The following PLEKHA7 variants were observed in gnomAD, a reference collection of about 807,000 sequenced individuals.
The protein encoded by PLEKHA7 is pleckstrin homology domain-containing family A member 7.
Under a neutral mutation model 170.0 loss-of-function variants are expected in PLEKHA7, and 104 were observed. The observed-to-expected ratio is 0.61, with a 90% CI of 0.52 to 0.72. PLEKHA7 has a LOEUF of 0.72. PLEKHA7 is among the 30% of genes least tolerant of loss of function. The pLI, the probability that PLEKHA7 is intolerant of heterozygous loss-of-function variation, is 0.00. For missense variants in PLEKHA7, 1,615 were observed against 1,671.7 expected (o/e 0.97, Z 0.59); for synonymous variants, 648 against 660.8 (o/e 0.98, Z 0.30).
intron 4 of PLEKHA7, among the ~76,000 whole-genome samples, chr11:16,865,210 C>A (rs532099220): frequency 6.6e-6 from 1 of 152,312 alleles, no homozygotes; most frequent in African/African-American, 2.4e-5. Context: ...ACAAAAACCA[C>A]GATGTAACAG....
chr11:16,928,901 G>A (rs1413085164), intron 3 of PLEKHA7, among the ~76,000 whole-genome samples: 4 of 151,906 alleles, frequency 2.6e-5, no homozygotes, highest in Non-Finnish European at 5.9e-5. Context: ...TGAAAGTTCA[G>A]TTAATAAATA....
At chr11:16,838,979 C>G (rs1330388023) in intron 9 of PLEKHA7, among the ~76,000 whole-genome samples, 2 of 152,064 alleles carry the variant, frequency 1.3e-5, no homozygotes, top group African/African-American at 4.8e-5. Context: ...AGCCACCGCA[C>G]CCGGCCACAC....
In PLEKHA7 at chr11:16,812,995, T is replaced by C. The variant is rs931518519; in HGVS notation, c.2007+118A>G. The C allele has an allele frequency of 3.4e-5, 25 of 745,216 alleles. No individual in the cohort carries two copies. In the African/African-American group the frequency reaches 4.4e-4, roughly 13 times the overall value. 46.2% of individuals were successfully genotyped at this position (745,216 alleles called of 1,614,324 possible). A position where few individuals can be genotyped will look rare whatever the true frequency, so the allele number is the denominator to read the frequency against. On this transcript the variant is annotated intron_variant, in intron 13 of 26. Transcript: ENST00000531066. ...TGATTCAAGATGGGAGACATATTGA[T>C]TTAGAATTCAGATTGGATAAGACCT...
chr11:16,853,000 G>T (rs1439797918), intron 6 of PLEKHA7, among the ~76,000 whole-genome samples: 1 of 152,152 alleles, frequency 6.6e-6, no homozygotes, highest in Non-Finnish European at 1.5e-5. Flanking sequence ...GCAAAGGCAG[G>T]AAAACAGAAT....
chr11:16,944,141 G>A (rs2136433409), intron 3 of PLEKHA7, among the ~76,000 whole-genome samples: 1 of 151,604 alleles, frequency 6.6e-6, no homozygotes, highest in East Asian at 2.0e-4. Context: ...ATCACCTGAG[G>A]TCAGGAGTTC....
At chr11:16,958,809 C>A (rs978872956) in intron 3 of PLEKHA7, among the ~76,000 whole-genome samples, 1 of 151,984 alleles carries the variant, frequency 6.6e-6, no homozygotes. Flanking sequence ...GCTAATTGCT[C>A]AATTGCACAG....
At chr11:16,871,657 C>CA (rs1461615153) in intron 3 of PLEKHA7, among the ~76,000 whole-genome samples, 2 of 152,196 alleles carry the variant, frequency 1.3e-5, no homozygotes, top group Non-Finnish European at 2.9e-5. Flanking sequence ...CTCCCTACTA[C>CA]AAAATGTCTT....
At chr11:16,969,258 G>A (rs2136695481) in intron 3 of PLEKHA7, among the ~76,000 whole-genome samples, 1 of 152,222 alleles carries the variant, frequency 6.6e-6, no homozygotes, top group South Asian at 2.1e-4. Flanking sequence ...CAGAATTAGA[G>A]CTAAAAGATC....
intron 3 of PLEKHA7, among the ~76,000 whole-genome samples, chr11:16,893,275 C>G (rs922561607): frequency 6.6e-6 from 1 of 152,226 alleles, no homozygotes; most frequent in African/African-American, 2.4e-5. Context: ...AAACTGTTCT[C>G]CTGCATCACG....
At chr11:16,843,524 C>T (rs1292765129) in intron 8 of PLEKHA7, among the ~76,000 whole-genome samples, 3 of 152,262 alleles carry the variant, frequency 2.0e-5, no homozygotes, top group Non-Finnish European at 2.9e-5. Context: ...ACTTGGCCTG[C>T]AGCCAAGGAT....
At chr11:16,886,206 C>T (rs74369262) in intron 3 of PLEKHA7, among the ~76,000 whole-genome samples, 257 of 152,220 alleles carry the variant, frequency 1.7e-3, no homozygotes, top group East Asian at 0.01. Flanking sequence ...AGAAAAGCAT[C>T]TAACCAGATG....
At chr11:16,846,460 C>T (rs1262928320) in intron 8 of PLEKHA7, among the ~76,000 whole-genome samples, 2 of 152,192 alleles carry the variant, frequency 1.3e-5, no homozygotes, top group African/African-American at 4.8e-5. Flanking sequence ...CTCTTGCCCA[C>T]TGGGTAACCC....
intron 8 of PLEKHA7, among the ~76,000 whole-genome samples, chr11:16,848,822 C>A (rs11024056): frequency 6.6e-6 from 1 of 152,162 alleles, no homozygotes; most frequent in Admixed American, 6.5e-5. Context: ...CGACAAGGTA[C>A]CCTAGCACCA....
intron 4 of PLEKHA7, among the ~76,000 whole-genome samples, chr11:16,866,185 C>G (rs1428699202): frequency 6.6e-6 from 1 of 151,994 alleles, no homozygotes; most frequent in Non-Finnish European, 1.5e-5. Flanking sequence ...CTTCTCTTCT[C>G]CCCTTGAAGT....
rs1330718708 is a variant in PLEKHA7, at chr11:16,777,536, AAAGAG to A, written c.*1457_*1461del. ...TCTATTTTTTTTTCTGAGCATAGTCAAAGAGAAATTTTCATTTAAAGTGTGGCTCC... is the reference window on the plus strand; with the variant it reads ...TCTATTTTTTTTTCTGAGCATAGTCAAAATTTTCATTTAAAGTGTGGCTCC... On this transcript the variant is annotated 3_prime_UTR_variant, in exon 27 of 27. Coordinates refer to ENST00000531066, the MANE Select transcript of PLEKHA7 (RefSeq NM_001329630.2). 2.6e-5 allele frequency: 4 copies of A among 152,204 alleles called. No homozygotes were observed. The highest frequency in any genetic ancestry group is 4.4e-5 in the Non-Finnish European group (3 of 68,030). The allele number at this position is 152,204 out of a possible 1,614,324, so 9.4% of individuals were successfully genotyped here. A position where few individuals can be genotyped will look rare whatever the true frequency, so the allele number is the denominator to read the frequency against.
chr11:16,886,611 T>C (rs527958206), intron 3 of PLEKHA7, among the ~76,000 whole-genome samples: 1 of 150,352 alleles, frequency 6.7e-6, no homozygotes, highest in Non-Finnish European at 1.5e-5. Context: ...CTCAGGAGGC[T>C]GAGGCAGGAG....
chr11:16,905,577 G>T (rs369609371), intron 3 of PLEKHA7, among the ~76,000 whole-genome samples: 1 of 152,152 alleles, frequency 6.6e-6, no homozygotes, highest in Non-Finnish European at 1.5e-5. Flanking sequence ...CTCTGGGGTG[G>T]AGCCACAGAA....
chr11:16,931,588 CACAAA>C (rs1005785242), intron 3 of PLEKHA7, among the ~76,000 whole-genome samples: 2 of 151,510 alleles, frequency 1.3e-5, no homozygotes, highest in East Asian at 1.9e-4. Context: ...ACAAACACAA[CACAAA>C]ACAAAACAAA....
chr11:16,967,065 C>T lies in PLEKHA7; in HGVS notation c.221+46924G>A, dbSNP rs957030497. On this transcript the variant is annotated intron_variant, in intron 3 of 26. Transcript: ENST00000531066. ...ACGGGGCCCTTGAAACTCTCCCAGT[C>T]AGCACAAAATCACTGATTCCAACAG... Among the ~76,000 whole-genome samples the T allele has an allele frequency of 2.0e-5, 3 of 152,192 alleles. No homozygotes were observed. In the East Asian group the frequency reaches 5.8e-4, roughly 29 times the overall value.
Sources: allele counts gnomAD v4.1 joint callset (sites outside exome capture counted in the v4.1 genomes callset), GRCh38; gene constraint gnomAD v4.1.1; transcripts MANE v1.5; gene names NCBI Gene and HGNC (gene_info 2026-07-23, HGNC 2026-07-21).